Variants in TMPRSS6 observed in about 807,000 individuals in gnomAD.
The protein encoded by TMPRSS6 is transmembrane serine protease 6, also known as transmembrane protease serine 6.
A neutral mutation model predicts 101.5 loss-of-function variants in TMPRSS6; 67 were observed. The ratio of observed to expected loss-of-function variants is 0.66; its 90% CI spans 0.54 to 0.81. TMPRSS6 has a LOEUF of 0.81. Ranked by LOEUF, TMPRSS6 falls within the 30% of genes least tolerant of loss-of-function variation. The pLI is 0.00. For missense variants in TMPRSS6, 1,034 were observed against 1,088.7 expected (o/e 0.95, Z 0.71); for synonymous variants, 453 against 464.9 (o/e 0.97, Z 0.33).
intron 12 of TMPRSS6, among the ~76,000 whole-genome samples, chr22:37,073,938 G>A (rs1350357121): frequency 6.6e-6 from 1 of 152,024 alleles, no homozygotes; most frequent in Admixed American, 6.6e-5. Flanking sequence ...TAGTAGAGAC[G>A]GGGTTTCACC....
At position 37,084,768 on chromosome 22, in the gene TMPRSS6, TG is replaced by T; in HGVS notation, c.1044del (p.Ser349AlafsTer31). 1 of 1,567,354 alleles carries T rather than the reference TG, an allele frequency of 6.4e-7. No individual in the cohort carries two copies. Among genetic ancestry groups the T allele is most frequent in the South Asian group, 1.2e-5 (1 of 85,182 alleles). ...CAGTGGGTTTGGGGCGAGTAGTAGC[TG>T]GGGAAGTACGGGGTGCTGAGGACGC... ...SQGVLSTPYF[P>X]SYYSPQTHCS... On this transcript the variant is annotated frameshift_variant, in exon 9 of 18. Coordinates refer to ENST00000676104, the MANE Select transcript of TMPRSS6 (RefSeq NM_001374504.1). LOFTEE classifies it high-confidence loss of function.
chr22:37,082,515 C>T (rs186403423), intron 10 of TMPRSS6: 27 of 169,802 alleles, frequency 1.6e-4, no homozygotes, highest in Admixed American at 1.3e-3. Flanking sequence ...GGTCACCCTG[C>T]GGGTTCCTGT....
intron 7 of TMPRSS6, 49 bp downstream of exon 7, chr22:37,089,529 C>T: frequency 1.3e-6 from 2 of 1,527,766 alleles, no homozygotes; most frequent in Non-Finnish European, 1.8e-6. Context: ...CCCCCATCAA[C>T]CACTCCCTTT....
chr22:37,066,771 A>G, intron 17 of TMPRSS6, 55 bp downstream of exon 17: 1 of 1,612,300 alleles, frequency 6.2e-7, no homozygotes, highest in South Asian at 1.1e-5. Flanking sequence ...GACCCTGGTG[A>G]TGTGGGCAGC....
At chr22:37,070,116 C>T (rs148550682) in intron 15 of TMPRSS6, among the ~76,000 whole-genome samples, 2,693 of 152,246 alleles carry the variant, frequency 0.018, 41 homozygotes, top group Middle Eastern at 0.071. Flanking sequence ...TGTCACACCT[C>T]GGGGAGTGTC....
intron 2 of TMPRSS6, among the ~76,000 whole-genome samples, chr22:37,099,697 C>T (rs1021359444): frequency 1.3e-5 from 2 of 152,074 alleles, no homozygotes; most frequent in South Asian, 2.1e-4. Flanking sequence ...GTGGTCAGTG[C>T]GGTGGGAATC....
chr22:37,071,224 G>C (rs1337476038), intron 13 of TMPRSS6, among the ~76,000 whole-genome samples, 192 bp from the exon 14 acceptor site: 1 of 149,646 alleles, frequency 6.7e-6, no homozygotes, highest in Admixed American at 6.7e-5. Context: ...CCTCCACTCA[G>C]ACTGGCCTAT....
At chr22:37,067,973 C>T (rs1445880044) in intron 16 of TMPRSS6, among the ~76,000 whole-genome samples, 4 of 152,218 alleles carry the variant, frequency 2.6e-5, no homozygotes, top group Non-Finnish European at 5.9e-5. Flanking sequence ...GTGTCTTCAC[C>T]TGAATGTCTT....
intron 6 of TMPRSS6, 102 bp downstream of exon 6, chr22:37,095,449 C>T: frequency 6.8e-7 from 1 of 1,466,506 alleles, no homozygotes; most frequent in Non-Finnish European, 9.4e-7. Flanking sequence ...CCAGGGCTCC[C>T]TGCACACACA....
chr22:37,082,874 C>A, intron 10 of TMPRSS6: 1 of 437,070 alleles, frequency 2.3e-6, no homozygotes, highest in South Asian at 1.7e-5. Context: ...TCTTTTAATC[C>A]TAGTCCCAGA....
chr22:37,069,187 G>A lies in TMPRSS6; in HGVS notation c.1999C>T (p.His667Tyr), dbSNP rs1359150426. ...ACGGCGGCCGAGCGCACCACCGGGT[G>A]GTCGAGCTGCAGCAGCGCCACGTCG... ...DYDVALLQLD[H>Y]PVVRSAAVRP... Residue 667 changes from histidine to tyrosine, a missense_variant, in exon 16 of 18, where the codon CAC (histidine) becomes TAC (tyrosine). By Grantham distance (83) the His-to-Tyr change is moderately conservative. Coordinates refer to ENST00000676104, the MANE Select transcript of TMPRSS6 (RefSeq NM_001374504.1). The surrounding 1 kb of genome is among the most constrained non-coding windows in gnomAD (Gnocchi z 4.8). 25 of 1,596,790 alleles carry A rather than the reference G, an allele frequency of 1.6e-5. No individual in the cohort carries two copies. The highest frequency in any genetic ancestry group is 2.0e-5 in the Non-Finnish European group (23 of 1,172,872).
rs982510342 is a variant in TMPRSS6 at position 37,071,045 on chromosome 22, G to A, written c.1556-13C>T. On this transcript the variant is annotated splice_polypyrimidine_tract_variant and intron_variant, in intron 13 of 17. Coordinates refer to ENST00000676104, the MANE Select transcript of TMPRSS6 (RefSeq NM_001374504.1). ...CCACATGGCACCCCTGGGACAGAGG[G>A]GATGGGGGCAGGGCACAGAAGGTGG... is the stretch of plus-strand genomic sequence containing the variant. The A allele has an allele frequency of 1.2e-5, 20 of 1,611,394 alleles. No individual in the cohort carries two copies. Among genetic ancestry groups the A allele is most frequent in the Non-Finnish European group, 1.7e-5 (20 of 1,178,958 alleles).
At chr22:37,084,009 T>C in intron 10 of TMPRSS6, 2 of 562,744 alleles carry the variant, frequency 3.6e-6, no homozygotes, top group East Asian at 2.8e-5. Flanking sequence ...CCCAAGAAGA[T>C]GAGACAATTT....
In TMPRSS6 at chr22:37,069,121, G is replaced by A; in HGVS notation, c.2065C>T (p.Pro689Ser). 1 of 1,562,708 alleles carries A rather than the reference G, an allele frequency of 6.4e-7. No homozygotes were observed. The highest frequency in any genetic ancestry group is 8.6e-7 in the Non-Finnish European group (1 of 1,156,646). ...CCCGTAATCCAGCAGTGCAGGCCGG[G>A]CTCGAAGAAGTGGGAGCGCGCGGGC... Reference protein sequence around the residue: ...CLPARSHFFEPGLHCWITGWG... With the variant: ...CLPARSHFFESGLHCWITGWG... The change falls in exon 16 of 18, where the codon CCC (proline) becomes TCC (serine). Residue 689 changes from proline (P) to serine (S), a missense_variant. Transcript: ENST00000676104. This position sits in a 1 kb window ranked among gnomAD's most constrained non-coding sequence, Gnocchi z 4.8.
chr22:37,090,850 G>A (rs916483770), intron 6 of TMPRSS6, among the ~76,000 whole-genome samples: 1 of 152,192 alleles, frequency 6.6e-6, no homozygotes, highest in Non-Finnish European at 1.5e-5. Flanking sequence ...TGGTTCCTCA[G>A]GTGGGTGTGA....
chr22:37,093,726 A>G (rs1180291940), intron 6 of TMPRSS6, among the ~76,000 whole-genome samples: 1 of 150,416 alleles, frequency 6.6e-6, no homozygotes, highest in Non-Finnish European at 1.5e-5. Flanking sequence ...TTAATAATTG[A>G]AAAATGGCCT....
At position 37,069,163 on chromosome 22, in the gene TMPRSS6, CGGCGGCCGAGCGCACCACCG is replaced by C. The variant is rs992099521; in HGVS notation, c.2003_2022del (p.Pro668ArgfsTer78). The C allele has an allele frequency of 1.3e-6, 2 of 1,582,036 alleles. No homozygotes were observed. Among genetic ancestry groups the C allele is most frequent in the African/African-American group, 2.7e-5 (2 of 74,102 alleles). ...CGCGCGGGCAGGCAGACGGGGCGCACGGCGGCCGAGCGCACCACCGGGTGGTCGAGCTGCAGCAGCGCCAC... is the reference window on the plus strand; with the variant it reads ...CGCGCGGGCAGGCAGACGGGGCGCACGGTGGTCGAGCTGCAGCAGCGCCAC... On this transcript the variant is annotated frameshift_variant, in exon 16 of 18. Transcript: ENST00000676104. LOFTEE classifies it high-confidence loss of function. The surrounding 1 kb of genome is among the most constrained non-coding windows in gnomAD (Gnocchi z 4.8).
chr22:37,078,932 AGAAGG>A (rs766272004), intron 10 of TMPRSS6, among the ~76,000 whole-genome samples: 6,599 of 85,632 alleles, frequency 0.077, 598 homozygotes, highest in African/African-American at 0.34. Flanking sequence ...AAGAAGAGGA[AGAAGG>A]AGAAGGAGAA....
intron 13 of TMPRSS6, among the ~76,000 whole-genome samples, chr22:37,071,456 G>A (rs1423463468): frequency 2.0e-5 from 3 of 152,180 alleles, no homozygotes; most frequent in African/African-American, 7.2e-5. Flanking sequence ...CTTGGTCTTT[G>A]CCTCTCTCCT....
Sources: gnomAD v4.1 joint callset for allele counts (sites outside exome capture counted in the v4.1 genomes callset) on GRCh38, gnomAD v4.1.1 for gene constraint, Gnocchi (gnomAD v3.1) non-coding constraint, MANE v1.5 for transcripts, NCBI Gene and HGNC (gene_info 2026-07-23, HGNC 2026-07-21) for gene names.